TYW1B: variants seen among roughly 807,000 people sequenced by gnomAD.
The protein encoded by TYW1B is tRNA-yW synthesizing protein 1 homolog B, also known as S-adenosyl-L-methionine-dependent tRNA 4-demethylwyosine synthase TYW1B.
A neutral mutation model predicts 86.9 loss-of-function variants in TYW1B; 73 were observed. That is an observed-to-expected ratio of 0.84 (90% CI 0.70 to 1.02). The LOEUF is 1.02. Among genes scored for constraint, TYW1B ranks in the 50% least tolerant of loss-of-function variants. The pLI is 0.00. For missense variants in TYW1B, 637 were observed against 827.4 expected (o/e 0.77, Z 2.82); for synonymous variants, 248 against 292.8 (o/e 0.85, Z 1.56).
chr7:72,811,011 C>T (rs1416175664), intron 3 of TYW1B, among the ~76,000 whole-genome samples: 2 of 151,996 alleles, frequency 1.3e-5, no homozygotes, highest in African/African-American at 2.4e-5. Context: ...GTGGCTCAAG[C>T]CTGTAATCCC....
chr7:72,703,015 TATA>T (rs1814518105), intron 10 of TYW1B, among the ~76,000 whole-genome samples: 3 of 47,892 alleles, frequency 6.3e-5, no homozygotes, highest in South Asian at 6.0e-4. Flanking sequence ...TATATATATA[TATA>T]TATATATATT....
intron 11 of TYW1B, among the ~76,000 whole-genome samples, chr7:72,670,960 C>T (rs1554446268): frequency 6.6e-6 from 1 of 152,098 alleles, no homozygotes; most frequent in Non-Finnish European, 1.5e-5. Flanking sequence ...ATATTCCAGT[C>T]TGTAAATAAA....
intron 11 of TYW1B, among the ~76,000 whole-genome samples, chr7:72,653,446 A>T (rs57327167): frequency 0.025 from 3,845 of 152,028 alleles, 157 homozygotes; most frequent in African/African-American, 0.087. Context: ...TCTCTTCTAA[A>T]AATACAAAAA....
intron 4 of TYW1B, among the ~76,000 whole-genome samples, chr7:72,809,343 C>G (rs1554477471): frequency 6.6e-6 from 1 of 152,096 alleles, no homozygotes; most frequent in African/African-American, 2.4e-5. Flanking sequence ...CCAGGCCCAG[C>G]CGAAAAATTC....
At chr7:72,584,260 G>A (rs1811221628) in intron 13 of TYW1B, among the ~76,000 whole-genome samples, 1 of 152,166 alleles carries the variant, frequency 6.6e-6, no homozygotes, top group Non-Finnish European at 1.5e-5. Flanking sequence ...GCCCAGGATG[G>A]TCTTGAATTC....
intron 8 of TYW1B, 84 bp downstream of exon 8, chr7:72,744,400 G>A (rs2844104): frequency 7.4e-7 from 1 of 1,347,794 alleles, no homozygotes. Context: ...CAGAGCTCTT[G>A]GGTAAGTCTG....
intron 6 of TYW1B, among the ~76,000 whole-genome samples, chr7:72,787,016 C>A (rs1169208048): frequency 6.6e-5 from 10 of 151,778 alleles, no homozygotes; most frequent in Admixed American, 6.6e-4. Flanking sequence ...TACACATTCA[C>A]GTTGACCCAG....
chr7:72,669,326 A>G (rs1554445899), intron 11 of TYW1B, among the ~76,000 whole-genome samples: 1 of 151,536 alleles, frequency 6.6e-6, no homozygotes, highest in East Asian at 1.9e-4. Flanking sequence ...TTGTGTTTTT[A>G]GTAGAGATGG....
rs535914167 is a variant in TYW1B, at chr7:72,746,819, T to C, written c.965-2218A>G. Reference sequence around the variant, plus strand: ...GAGGTGTGCGGTCCAAATCCAATACTGAAGGACTAAAAGGATTTTTCAAAA... The same window carrying C: ...GAGGTGTGCGGTCCAAATCCAATACCGAAGGACTAAAAGGATTTTTCAAAA... On this transcript the variant is annotated intron_variant, in intron 7 of 13. Transcript: ENST00000620995. Among the ~76,000 whole-genome samples the C allele has an allele frequency of 1.1e-4, 16 of 152,250 alleles. 1 individual carries two copies. The South Asian group carries it at 3.3e-3, about 32-fold the overall frequency.
At chr7:72,757,369 G>GAA (rs1554466382) in intron 7 of TYW1B, among the ~76,000 whole-genome samples, 2 of 75,460 alleles carry the variant, frequency 2.7e-5, no homozygotes, top group East Asian at 5.5e-4. Flanking sequence ...CTCCGTCTAT[G>GAA]GAAAAAAAAA....
intron 11 of TYW1B, among the ~76,000 whole-genome samples, chr7:72,662,232 T>C: frequency 6.6e-6 from 1 of 152,240 alleles, no homozygotes; most frequent in East Asian, 1.9e-4. Flanking sequence ...AAATGTGCTT[T>C]CTGGTGATAT....
intron 2 of TYW1B, among the ~76,000 whole-genome samples, chr7:72,824,611 G>A (rs1788895549): frequency 6.6e-6 from 1 of 151,986 alleles, no homozygotes. Flanking sequence ...TGTGATGGCA[G>A]GCACCTGTAA....
At chr7:72,578,166 T>G (rs1422557259) in intron 13 of TYW1B, among the ~76,000 whole-genome samples, 12 of 147,912 alleles carry the variant, frequency 8.1e-5, no homozygotes, top group Non-Finnish European at 1.8e-4. Context: ...CAGGCTGGAG[T>G]GCAGTGGCGC....
At chr7:72,663,694 G>A (rs1813389952) in intron 11 of TYW1B, among the ~76,000 whole-genome samples, 1 of 148,650 alleles carries the variant, frequency 6.7e-6, no homozygotes, top group African/African-American at 2.5e-5. Flanking sequence ...AACCCGGGGG[G>A]CGGAGCTTGC....
chr7:72,752,025 T>C (rs13237660), intron 7 of TYW1B, among the ~76,000 whole-genome samples: 103,924 of 151,634 alleles, frequency 0.69, 36,531 homozygotes, highest in Non-Finnish European at 0.77. Context: ...CTTGTCTGGC[T>C]TATGCCCTCT....
chr7:72,784,245 G>C (rs1281450562), intron 6 of TYW1B, among the ~76,000 whole-genome samples: 1 of 151,990 alleles, frequency 6.6e-6, no homozygotes, highest in African/African-American at 2.4e-5. Flanking sequence ...CCTGACTCAT[G>C]GTTCTCTAAA....
At chr7:72,747,979 T>C (rs1787424219) in intron 7 of TYW1B, among the ~76,000 whole-genome samples, 1 of 152,152 alleles carries the variant, frequency 6.6e-6, no homozygotes, top group Non-Finnish European at 1.5e-5. Context: ...ATTGTTAATA[T>C]GTAGAATACA....
chr7:72,745,490 A>G (rs1787378078), intron 7 of TYW1B, among the ~76,000 whole-genome samples: 2 of 152,150 alleles, frequency 1.3e-5, no homozygotes, highest in South Asian at 4.1e-4. Flanking sequence ...AATCTAAAGA[A>G]ATATCTAGAT....
At chr7:72,745,849 GGGGT>G (rs72526935) in intron 7 of TYW1B, among the ~76,000 whole-genome samples, 62,697 of 129,894 alleles carry the variant, frequency 0.48, 14,795 homozygotes, top group Non-Finnish European at 0.56. Flanking sequence ...CACGTGTATA[GGGGT>G]GTGTGTGTGT....
Sources: gnomAD v4.1 joint callset for allele counts (sites outside exome capture counted in the v4.1 genomes callset) on GRCh38, gnomAD v4.1.1 for gene constraint, MANE v1.5 for transcripts, NCBI Gene and HGNC (gene_info 2026-07-23, HGNC 2026-07-21) for gene names.